The following SH3D19 variants were observed in gnomAD, a reference collection of about 807,000 sequenced individuals.
SH3D19 encodes SH3 domain-containing protein 19.
A neutral mutation model predicts 112.1 loss-of-function variants in SH3D19; 58 were observed. The observed-to-expected ratio is 0.52, with a 90% CI of 0.42 to 0.64. SH3D19 has a LOEUF of 0.64. SH3D19 is among the 30% of genes least tolerant of loss of function. The pLI is 0.00. For missense variants in SH3D19, 1,090 were observed against 1,263.4 expected, an observed-to-expected ratio of 0.86 and a Z score of 2.08; for synonymous variants, 391 against 448.5, an observed-to-expected ratio of 0.87 and a Z score of 1.62.
At chr4:151,281,668 G>C in intron 1 of SH3D19, among the ~76,000 whole-genome samples, 1 of 150,906 alleles carries the variant, frequency 6.6e-6, no homozygotes, top group Non-Finnish European at 1.5e-5. Flanking sequence ...CAGAGAACTT[G>C]TTATTTATTT....
At chr4:151,218,165 A>T (rs546893975) in intron 2 of SH3D19, among the ~76,000 whole-genome samples, 1 of 152,254 alleles carries the variant, frequency 6.6e-6, no homozygotes, top group South Asian at 2.1e-4. Context: ...AAAAAGAGAA[A>T]AATTTGCAGA....
chr4:151,211,004 G>A (rs764258907), intron 2 of SH3D19, among the ~76,000 whole-genome samples: 3 of 152,014 alleles, frequency 2.0e-5, no homozygotes, highest in Non-Finnish European at 4.4e-5. Context: ...TCAGGAGTTC[G>A]AGACCAGCCT....
At chr4:151,176,427 G>C in intron 6 of SH3D19, 107 bp downstream of exon 6, 1 of 848,550 alleles carries the variant, frequency 1.2e-6, no homozygotes, top group East Asian at 3.3e-5. Flanking sequence ...GGGCAGCAGA[G>C]CTCAATGAAT....
At chr4:151,216,877 C>CTGTGTGTG (rs34575245) in intron 2 of SH3D19, among the ~76,000 whole-genome samples, 3,195 of 140,814 alleles carry the variant, frequency 0.023, 50 homozygotes, top group Middle Eastern at 0.03. Context: ...CAAAACAACA[C>CTGTGTGTG]TGTGTGTGTG....
At chr4:151,179,737 A>G (rs1177223176) in intron 3 of SH3D19, among the ~76,000 whole-genome samples, 1 of 152,234 alleles carries the variant, frequency 6.6e-6, no homozygotes, top group Non-Finnish European at 1.5e-5. Flanking sequence ...ATGAAGTAAC[A>G]ATGGGCAGAA....
chr4:151,200,446 C>T (rs1301732923), intron 2 of SH3D19, among the ~76,000 whole-genome samples: 1 of 152,076 alleles, frequency 6.6e-6, no homozygotes, highest in African/African-American at 2.4e-5. Context: ...TAAAGTAAAG[C>T]TAATATTAAA....
At chr4:151,322,199 A>G (rs547551750) in intron 1 of SH3D19, among the ~76,000 whole-genome samples, 1 of 152,212 alleles carries the variant, frequency 6.6e-6, no homozygotes, top group East Asian at 1.9e-4. Context: ...CTGTAATTCC[A>G]GCACTTTGGG....
At chr4:151,313,605 T>C (rs1310515907) in intron 1 of SH3D19, among the ~76,000 whole-genome samples, 3 of 152,028 alleles carry the variant, frequency 2.0e-5, no homozygotes, top group Non-Finnish European at 4.4e-5. Context: ...TTTTATAAAG[T>C]CGGGGTCTTG....
chr4:151,144,253 A>G, intron 11 of SH3D19: 1 of 1,614,134 alleles, frequency 6.2e-7, no homozygotes, highest in South Asian at 1.1e-5. Flanking sequence ...TTTGAGAGAC[A>G]ATATCTTCAT....
At chr4:151,174,336 A>T (rs896798665) in intron 7 of SH3D19, among the ~76,000 whole-genome samples, 1 of 152,144 alleles carries the variant, frequency 6.6e-6, no homozygotes, top group Non-Finnish European at 1.5e-5. Flanking sequence ...GAGTAAGGGG[A>T]GCCAGCCCCA....
chr4:151,225,938 GA>G (rs1768918634), intron 2 of SH3D19, 108 bp downstream of exon 2: 1 of 670,444 alleles, frequency 1.5e-6, no homozygotes, highest in Non-Finnish European at 2.1e-6. Context: ...GAATGCTACA[GA>G]AGATTCCAAT....
intron 3 of SH3D19, among the ~76,000 whole-genome samples, chr4:151,179,599 A>G (rs1760510220): frequency 6.6e-6 from 1 of 152,216 alleles, no homozygotes; most frequent in Admixed American, 6.5e-5. Context: ...TAGAGATTGC[A>G]TAATACATAG....
intron 1 of SH3D19, among the ~76,000 whole-genome samples, chr4:151,242,213 AG>A (rs1209359409): frequency 6.6e-6 from 1 of 152,172 alleles, no homozygotes; most frequent in Non-Finnish European, 1.5e-5. Context: ...TTGTATTTTC[AG>A]TTAACAACAT....
intron 1 of SH3D19, among the ~76,000 whole-genome samples, chr4:151,249,565 T>G (rs1385127263): frequency 1.3e-5 from 2 of 152,160 alleles, no homozygotes; most frequent in African/African-American, 4.8e-5. Flanking sequence ...TCTTTCCAAC[T>G]TAATCACCAC....
At chr4:151,222,238 G>A (rs1768175687) in intron 2 of SH3D19, among the ~76,000 whole-genome samples, 2 of 152,188 alleles carry the variant, frequency 1.3e-5, no homozygotes, top group African/African-American at 4.8e-5. Flanking sequence ...ACACACAACA[G>A]TTCTCTCCAC....
At chr4:151,283,063 G>A (rs2089625593) in intron 1 of SH3D19, 1 of 1,551,498 alleles carries the variant, frequency 6.4e-7, no homozygotes. Flanking sequence ...ACTGAATGCT[G>A]CCCCTGCACT....
chr4:151,195,375 A>AGG (rs1763288884), intron 2 of SH3D19, among the ~76,000 whole-genome samples: 1 of 121,808 alleles, frequency 8.2e-6, no homozygotes, highest in Admixed American at 7.7e-5. Flanking sequence ...CTGTCTCAAA[A>AGG]AAAAAAAAAA....
chr4:151,142,238 T>C (rs1030265201), intron 12 of SH3D19, among the ~76,000 whole-genome samples: 2 of 152,208 alleles, frequency 1.3e-5, no homozygotes, highest in Non-Finnish European at 2.9e-5. Context: ...CTTTGAGATA[T>C]AACCCACATA....
intron 1 of SH3D19, among the ~76,000 whole-genome samples, chr4:151,250,327 C>T (rs1425354108): frequency 1.3e-5 from 2 of 152,072 alleles, no homozygotes; most frequent in African/African-American, 4.8e-5. Context: ...CAGGTCGGTA[C>T]ATAGTGGCAT....
Sources: allele counts gnomAD v4.1 joint callset (sites outside exome capture counted in the v4.1 genomes callset), GRCh38; gene constraint gnomAD v4.1.1; transcripts MANE v1.5; gene names NCBI Gene and HGNC (gene_info 2026-07-23, HGNC 2026-07-21).